Variants in MACROD2 observed in about 807,000 individuals in gnomAD.
MACROD2 encodes ADP-ribose glycohydrolase MACROD2.
A neutral mutation model predicts 70.4 loss-of-function variants in MACROD2; 36 were observed. The observed-to-expected ratio is 0.51, with a 90% CI of 0.39 to 0.68. MACROD2 has a LOEUF of 0.68. Among genes scored for constraint, MACROD2 ranks in the 30% least tolerant of loss-of-function variants. The pLI is 0.00. For missense variants in MACROD2, 496 were observed against 538.4 expected (o/e 0.92, Z 0.78); for synonymous variants, 172 against 178.8 (o/e 0.96, Z 0.30).
At chr20:14,241,402 G>A (rs913406071) in intron 3 of MACROD2, among the ~76,000 whole-genome samples, 1 of 152,054 alleles carries the variant, frequency 6.6e-6, no homozygotes, top group African/African-American at 2.4e-5. Flanking sequence ...TTTTTTATCA[G>A]TAGAAAATTT....
chr20:15,718,643 C>A (rs1375607530), intron 8 of MACROD2, among the ~76,000 whole-genome samples: 1 of 152,108 alleles, frequency 6.6e-6, no homozygotes, highest in East Asian at 1.9e-4. Flanking sequence ...TCTTGAACGC[C>A]CAGAGGGAAG....
intron 5 of MACROD2, among the ~76,000 whole-genome samples, chr20:15,201,042 ACCACC>A (rs1308101185): frequency 1.3e-5 from 2 of 151,794 alleles, no homozygotes; most frequent in African/African-American, 4.9e-5. Flanking sequence ...CGAATTCCCA[ACCACC>A]TCCCAGGTGC....
intron 3 of MACROD2, among the ~76,000 whole-genome samples, chr20:14,245,952 A>G (rs1458269282): frequency 2.6e-5 from 4 of 152,186 alleles, no homozygotes; most frequent in Non-Finnish European, 5.9e-5. Context: ...TAGATGTAGT[A>G]TTGCAAGTAT....
chr20:15,514,402 A>G (rs1429727206), intron 8 of MACROD2, among the ~76,000 whole-genome samples: 1 of 152,154 alleles, frequency 6.6e-6, no homozygotes, highest in Non-Finnish European at 1.5e-5. Flanking sequence ...TACCTTTTCC[A>G]TGTTCAGATA....
At chr20:15,050,482 A>G (rs1022363582) in intron 5 of MACROD2, among the ~76,000 whole-genome samples, 4 of 138,038 alleles carry the variant, frequency 2.9e-5, no homozygotes, top group East Asian at 2.1e-4. Context: ...ATTTTTGTCT[A>G]TTTACATTGG....
At chr20:15,242,636 A>G (rs745908423) in intron 6 of MACROD2, among the ~76,000 whole-genome samples, 1 of 152,212 alleles carries the variant, frequency 6.6e-6, no homozygotes, top group Non-Finnish European at 1.5e-5. Flanking sequence ...TTTTTAAGCT[A>G]TCGTAAGAAA....
chr20:14,948,756 A>C (rs1478708741), intron 5 of MACROD2, among the ~76,000 whole-genome samples: 1 of 152,184 alleles, frequency 6.6e-6, no homozygotes, highest in Non-Finnish European at 1.5e-5. Flanking sequence ...TACCTAAGGA[A>C]AATTTTAGGA....
At chr20:15,084,328 A>G (rs1020120578) in intron 5 of MACROD2, among the ~76,000 whole-genome samples, 8 of 152,014 alleles carry the variant, frequency 5.3e-5, no homozygotes. Context: ...TCAGCATCCC[A>G]AAGTGCTGGG....
At chr20:16,023,721 C>G (rs1214915294) in intron 15 of MACROD2, among the ~76,000 whole-genome samples, 1 of 152,120 alleles carries the variant, frequency 6.6e-6, no homozygotes, top group African/African-American at 2.4e-5. Context: ...GTAGAACACA[C>G]CTCAGAATTG....
At chr20:14,065,963 G>C (rs1023921298) in intron 2 of MACROD2, among the ~76,000 whole-genome samples, 1 of 152,068 alleles carries the variant, frequency 6.6e-6, no homozygotes, top group Non-Finnish European at 1.5e-5. Context: ...TGTGACCTTG[G>C]GCAAGCAACA....
intron 5 of MACROD2, among the ~76,000 whole-genome samples, chr20:15,004,268 C>T (rs2075018593): frequency 1.3e-5 from 2 of 152,162 alleles, no homozygotes; most frequent in African/African-American, 4.8e-5. Context: ...AAATAATTAG[C>T]TTCTCTTTAA....
chr20:16,006,065 C>T (rs1034348463), intron 15 of MACROD2, among the ~76,000 whole-genome samples: 26 of 152,170 alleles, frequency 1.7e-4, no homozygotes, highest in Non-Finnish European at 1.5e-5. Context: ...AAAAGCCAAT[C>T]CTGGAAGGCT....
chr20:14,281,925 C>A (rs2082309646), intron 3 of MACROD2, among the ~76,000 whole-genome samples: 1 of 119,926 alleles, frequency 8.3e-6, no homozygotes, highest in Admixed American at 9.3e-5. Flanking sequence ...ACAGAGCAGA[C>A]TCCCTCTCAA....
intron 8 of MACROD2, among the ~76,000 whole-genome samples, chr20:15,564,350 A>G (rs1421984001): frequency 1.3e-5 from 2 of 152,208 alleles, no homozygotes; most frequent in Admixed American, 6.5e-5. Context: ...ATGCTGAGGA[A>G]AATATGAAGA....
chr20:15,706,376 A>T (rs1300961416), intron 8 of MACROD2, among the ~76,000 whole-genome samples: 4 of 152,186 alleles, frequency 2.6e-5, no homozygotes, highest in Admixed American at 6.5e-5. Context: ...CTGGAAAGTG[A>T]TGGGGTGAGG....
At chr20:15,605,484 G>GTC (rs1221518243) in intron 8 of MACROD2, among the ~76,000 whole-genome samples, 1 of 151,670 alleles carries the variant, frequency 6.6e-6, no homozygotes, top group East Asian at 1.9e-4. Flanking sequence ...GTGTGTGTGT[G>GTC]TGTGTATCAG....
At chr20:14,063,502 A>C (rs1045089311) in intron 2 of MACROD2, among the ~76,000 whole-genome samples, 1 of 152,222 alleles carries the variant, frequency 6.6e-6, no homozygotes, top group Non-Finnish European at 1.5e-5. Flanking sequence ...TGAAAATTCA[A>C]ACTCCAAAAT....
chr20:15,231,209 T>C (rs1164340602), intron 6 of MACROD2, among the ~76,000 whole-genome samples: 1 of 152,070 alleles, frequency 6.6e-6, no homozygotes. Flanking sequence ...TTAACAGAGC[T>C]GGATATTTTA....
At chr20:14,368,969 G>C (rs1218619313) in intron 3 of MACROD2, among the ~76,000 whole-genome samples, 1 of 152,202 alleles carries the variant, frequency 6.6e-6, no homozygotes, top group Non-Finnish European at 1.5e-5. Context: ...TGATCCTAGA[G>C]ATCATCTAAA....
Sources: allele counts gnomAD v4.1 joint callset (sites outside exome capture counted in the v4.1 genomes callset), GRCh38; gene constraint gnomAD v4.1.1; transcripts MANE v1.5; gene names NCBI Gene and HGNC (gene_info 2026-07-23, HGNC 2026-07-21).